The following ARHGAP17 variants were observed in gnomAD, a reference collection of about 807,000 sequenced individuals.
The protein encoded by ARHGAP17 is rho GTPase-activating protein 17.
In ARHGAP17, 57 loss-of-function variants were observed where a neutral mutation model predicts 99.5. The ratio of observed to expected loss-of-function variants is 0.57; its 90% CI spans 0.46 to 0.71. The LOEUF (loss-of-function observed/expected upper bound fraction) is 0.71. Among genes scored for constraint, ARHGAP17 ranks in the 30% least tolerant of loss-of-function variants. The pLI is 0.00. For missense variants in ARHGAP17, 1,000 were observed against 1,122.4 expected (o/e 0.89, Z 1.56); for synonymous variants, 417 against 429.6 (o/e 0.97, Z 0.36).
chr16:24,944,256 C>T (rs111873081), intron 14 of ARHGAP17, among the ~76,000 whole-genome samples: 8,380 of 143,220 alleles, frequency 0.059, 328 homozygotes, highest in Middle Eastern at 0.13. Context: ...AGTGACAGAG[C>T]GAAACTCTGT....
chr16:24,968,586 C>G, intron 5 of ARHGAP17, 75 bp downstream of exon 5: 1 of 1,535,410 alleles, frequency 6.5e-7, no homozygotes, highest in Non-Finnish European at 9.0e-7. Flanking sequence ...CCAGCAACTA[C>G]TGTTAAAATT....
At position 24,978,978 on chromosome 16, in the gene ARHGAP17, T is replaced by C; in HGVS notation, c.81A>G (p.Glu27=). The C allele has an allele frequency of 1.0e-5, 16 of 1,591,750 alleles. No individual in the cohort carries two copies. Among genetic ancestry groups the C allele is most frequent in the Non-Finnish European group, 1.4e-5 (16 of 1,172,400 alleles). ...GRAEKTEVLS[E]DLLQIERRLD... The stretch of plus-strand genomic sequence containing the variant: ...TATATTTTGTTACCTGTAATAGATC[T>C]TCACTAAGGACTTCTGTTTTCTCAG... The change falls in exon 2 of 20, where the codon GAA becomes GAG. Residue 27 remains glutamate, a synonymous_variant. Transcript: ENST00000289968.
intron 7 of ARHGAP17, among the ~76,000 whole-genome samples, chr16:24,960,543 T>C (rs2051958797): frequency 6.7e-6 from 1 of 149,526 alleles, no homozygotes; most frequent in Non-Finnish European, 1.5e-5. Flanking sequence ...TGAGACTCTG[T>C]CTAAAAAAAG....
chr16:24,962,578 A>G (rs2052044585), intron 7 of ARHGAP17, among the ~76,000 whole-genome samples: 1 of 152,192 alleles, frequency 6.6e-6, no homozygotes, highest in African/African-American at 2.4e-5. Flanking sequence ...CTGGACTGGT[A>G]ATACTCTCTG....
At chr16:25,012,450 C>T (rs886264215) in intron 1 of ARHGAP17, among the ~76,000 whole-genome samples, 3 of 152,220 alleles carry the variant, frequency 2.0e-5, no homozygotes, top group Non-Finnish European at 4.4e-5. Flanking sequence ...AACCAAAACA[C>T]GATGGGCATG....
intron 7 of ARHGAP17, among the ~76,000 whole-genome samples, chr16:24,963,042 T>C (rs2052058301): frequency 6.6e-6 from 1 of 152,164 alleles, no homozygotes; most frequent in African/African-American, 2.4e-5. Context: ...AGAACAGACA[T>C]CAGCCCATGA....
chr16:24,920,714 A>C (rs1201815891), intron 19 of ARHGAP17: 1 of 158,184 alleles, frequency 6.3e-6, no homozygotes, highest in Non-Finnish European at 1.4e-5. Flanking sequence ...GGCCTGAATT[A>C]TTTGTTGTGG....
chr16:24,950,310 A>C (rs912851064), intron 12 of ARHGAP17, among the ~76,000 whole-genome samples: 4 of 152,216 alleles, frequency 2.6e-5, no homozygotes, highest in African/African-American at 9.7e-5. Flanking sequence ...GTAATAAACA[A>C]GGAAATCTTT....
intron 19 of ARHGAP17, chr16:24,927,610 TAAC>T: frequency 1.3e-6 from 1 of 776,134 alleles, no homozygotes; most frequent in Admixed American, 3.8e-5. Context: ...GGCCAGTTAG[TAAC>T]AGGCATGAGT....
At chr16:24,976,571 G>C (rs528214332) in intron 3 of ARHGAP17, among the ~76,000 whole-genome samples, 1 of 151,780 alleles carries the variant, frequency 6.6e-6, no homozygotes, top group East Asian at 1.9e-4. Context: ...AAGGAAAGGG[G>C]AAAGGGGAAA....
chr16:24,970,567 A>C lies in ARHGAP17; in HGVS notation c.212T>G (p.Leu71Arg), dbSNP rs751649147. 23 of 1,614,070 alleles carry C rather than the reference A, an allele frequency of 1.4e-5. No individual in the cohort carries two copies. The highest frequency in any genetic ancestry group is 1.9e-5 in the Non-Finnish European group (22 of 1,179,986). ...DAERRHKKLP[L>R]TALAQNMQEA... Reference sequence around the variant, plus strand: ...TTGCATATTTTGAGCAAGAGCTGTCAGAGGCAGTTTTTTCTGGAAGATAGA... The same window carrying C: ...TTGCATATTTTGAGCAAGAGCTGTCCGAGGCAGTTTTTTCTGGAAGATAGA... The change falls in exon 4 of 20, where the codon CTG becomes CGG. Residue 71 changes from leucine to arginine, a missense_variant. Transcript: ENST00000289968.
intron 16 of ARHGAP17, 78 bp downstream of exon 16, chr16:24,941,909 G>A: frequency 3.1e-6 from 5 of 1,599,166 alleles, no homozygotes; most frequent in Non-Finnish European, 4.3e-6. Context: ...CAAATCCCAA[G>A]TCCACTGAGC....
intron 10 of ARHGAP17, among the ~76,000 whole-genome samples, chr16:24,953,258 T>A (rs1356165725): frequency 6.6e-6 from 1 of 151,888 alleles, no homozygotes; most frequent in Admixed American, 6.6e-5. Flanking sequence ...CTGGGCAGAG[T>A]TTCTTGACCT....
At chr16:24,951,088 GA>G (rs893716346) in intron 12 of ARHGAP17, among the ~76,000 whole-genome samples, 1 of 152,116 alleles carries the variant, frequency 6.6e-6, no homozygotes, top group Non-Finnish European at 1.5e-5. Context: ...AGCGCCATGA[GA>G]AAAAAGACGA....
intron 19 of ARHGAP17, among the ~76,000 whole-genome samples, chr16:24,924,868 T>A (rs1323433783): frequency 5.1e-4 from 75 of 147,668 alleles, no homozygotes; most frequent in African/African-American, 1.8e-3. Flanking sequence ...GTCTCAAAAA[T>A]AAAAAAAAAT....
At chr16:24,962,756 T>C (rs993545229) in intron 7 of ARHGAP17, among the ~76,000 whole-genome samples, 5 of 152,154 alleles carry the variant, frequency 3.3e-5, no homozygotes, top group African/African-American at 1.2e-4. Flanking sequence ...AATAAGTATG[T>C]TTAAAATGAC....
At chr16:24,987,809 T>C (rs1312871619) in intron 1 of ARHGAP17, among the ~76,000 whole-genome samples, 2 of 152,166 alleles carry the variant, frequency 1.3e-5, no homozygotes, top group African/African-American at 4.8e-5. Context: ...AAATGAAGCA[T>C]GGAGAGAATT....
intron 17 of ARHGAP17, among the ~76,000 whole-genome samples, chr16:24,937,228 C>T (rs1450631835): frequency 6.6e-6 from 1 of 151,870 alleles, no homozygotes; most frequent in Non-Finnish European, 1.5e-5. Flanking sequence ...TCGCGACCAG[C>T]CTGGCAAACA....
intron 3 of ARHGAP17, 74 bp downstream of exon 3, chr16:24,977,141 A>G: frequency 7.8e-7 from 1 of 1,274,212 alleles, no homozygotes; most frequent in Non-Finnish European, 1.0e-6. Context: ...ACTTAGGACA[A>G]CCAACCAATC....
Sources: gnomAD v4.1 joint callset for allele counts (sites outside exome capture counted in the v4.1 genomes callset) on GRCh38, gnomAD v4.1.1 for gene constraint, MANE v1.5 for transcripts, NCBI Gene and HGNC (gene_info 2026-07-23, HGNC 2026-07-21) for gene names.